HS3ST5: variants seen among roughly 807,000 people sequenced by gnomAD.
The protein encoded by HS3ST5 is heparan sulfate glucosamine 3-O-sulfotransferase 5.
HS3ST5 carries 10 observed loss-of-function variants against 25.4 expected under a neutral mutation model. The ratio of observed to expected loss-of-function variants is 0.39; its 90% CI spans 0.24 to 0.67. The LOEUF (loss-of-function observed/expected upper bound fraction) is 0.67, where lower values mean the gene tolerates loss of function less well. Among genes scored for constraint, HS3ST5 ranks in the 30% least tolerant of loss-of-function variants. HS3ST5 has a pLI of 0.44. For synonymous variants in HS3ST5, 170 were observed against 162.4 expected (o/e 1.05, Z -0.36); for missense variants, 324 against 420.7 (o/e 0.77, Z 2.01).
At chr6:114,284,431 A>G (rs1332476341) in intron 1 of HS3ST5, among the ~76,000 whole-genome samples, 1 of 151,920 alleles carries the variant, frequency 6.6e-6, no homozygotes, top group East Asian at 1.9e-4. Context: ...TTTATTCTCA[A>G]GTAATTGTGC....
intron 1 of HS3ST5, among the ~76,000 whole-genome samples, chr6:114,252,720 A>G (rs1274251012): frequency 1.3e-5 from 2 of 152,098 alleles, no homozygotes; most frequent in South Asian, 4.1e-4. Context: ...AAGCACCATC[A>G]TCTTTGGGTC....
intron 4 of HS3ST5, chr6:114,059,114 G>C (rs1304739194): frequency 6.6e-6 from 1 of 152,238 alleles, no homozygotes; most frequent in East Asian, 1.9e-4. Context: ...CAGGGAGAAA[G>C]ATGTGGTAAC....
chr6:114,311,825 G>A (rs550637363), intron 1 of HS3ST5, among the ~76,000 whole-genome samples: 68 of 152,076 alleles, frequency 4.5e-4, no homozygotes, highest in Non-Finnish European at 8.8e-4. Context: ...TTACAGGCGT[G>A]AGCCACCGTG....
chr6:114,250,663 C>T (rs1318976135), intron 1 of HS3ST5, among the ~76,000 whole-genome samples: 3 of 152,072 alleles, frequency 2.0e-5, no homozygotes, highest in Non-Finnish European at 2.9e-5. Context: ...AAACTTTGAC[C>T]TGAAGGAAGA....
chr6:114,156,095 C>T (rs762453741), intron 3 of HS3ST5, among the ~76,000 whole-genome samples: 5 of 152,270 alleles, frequency 3.3e-5, no homozygotes, highest in Non-Finnish European at 5.9e-5. Context: ...AATGAATCAC[C>T]GACTTTTCTT....
At chr6:114,255,898 C>T (rs1158540428) in intron 1 of HS3ST5, among the ~76,000 whole-genome samples, 2 of 152,232 alleles carry the variant, frequency 1.3e-5, no homozygotes, top group East Asian at 3.9e-4. Context: ...TCTGACATGC[C>T]AGGAGACATT....
chr6:114,244,184 G>A (rs1772275494), intron 1 of HS3ST5, among the ~76,000 whole-genome samples: 1 of 152,192 alleles, frequency 6.6e-6, no homozygotes, highest in Non-Finnish European at 1.5e-5. Context: ...ACTGGAAACT[G>A]TAGGTAGAAA....
At chr6:114,273,818 A>AG (rs975966881) in intron 1 of HS3ST5, among the ~76,000 whole-genome samples, 2 of 151,890 alleles carry the variant, frequency 1.3e-5, no homozygotes, top group African/African-American at 2.4e-5. Flanking sequence ...CTGACTGGGG[A>AG]GGGTGGTCCA....
At chr6:114,174,918 G>A (rs1582682041) in intron 2 of HS3ST5, among the ~76,000 whole-genome samples, 1 of 152,074 alleles carries the variant, frequency 6.6e-6, no homozygotes, top group Non-Finnish European at 1.5e-5. Flanking sequence ...GCTTGAACCC[G>A]GGAGGTGGAG....
chr6:114,302,795 T>A (rs544908580), intron 1 of HS3ST5, among the ~76,000 whole-genome samples: 262 of 152,310 alleles, frequency 1.7e-3, no homozygotes, highest in African/African-American at 6.2e-3. Flanking sequence ...TCATTATTCA[T>A]AGTTGAAATA....
intron 2 of HS3ST5, among the ~76,000 whole-genome samples, chr6:114,191,657 C>G (rs534202899): frequency 2.6e-5 from 4 of 152,224 alleles, no homozygotes; most frequent in African/African-American, 9.6e-5. Flanking sequence ...ATATCCATAT[C>G]ATCGGTGCCT....
chr6:114,336,421 A>C (rs1191530945), intron 1 of HS3ST5, among the ~76,000 whole-genome samples: 1 of 152,212 alleles, frequency 6.6e-6, no homozygotes, highest in Non-Finnish European at 1.5e-5. Context: ...CAGTCTGGCC[A>C]ACATGGCAAA....
At chr6:114,141,855 AGTTTGTGT>A (rs140506762) in intron 3 of HS3ST5, among the ~76,000 whole-genome samples, 2 of 106,516 alleles carry the variant, frequency 1.9e-5, no homozygotes, top group Non-Finnish European at 3.7e-5. Context: ...CTAAGATGAT[AGTTTGTGT>A]GTGTGTGTGT....
At chr6:114,154,301 C>T (rs1194681110) in intron 3 of HS3ST5, among the ~76,000 whole-genome samples, 1 of 152,074 alleles carries the variant, frequency 6.6e-6, no homozygotes, top group Non-Finnish European at 1.5e-5. Flanking sequence ...TGATCCTGCT[C>T]AATATTCCAG....
intron 2 of HS3ST5, among the ~76,000 whole-genome samples, chr6:114,208,059 C>G (rs1781353579): frequency 6.6e-6 from 1 of 152,028 alleles, no homozygotes; most frequent in Non-Finnish European, 1.5e-5. Context: ...CACGGTTAAC[C>G]AAATAATTCA....
At position 114,109,806 on chromosome 6, in the gene HS3ST5, A is replaced by ATATT. The variant is rs371844802; in HGVS notation, c.-32-46933_-32-46930dup. Among the ~76,000 whole-genome samples, 520 of 152,272 alleles carry ATATT rather than the reference A, an allele frequency of 3.4e-3. 3 individuals are homozygous for ATATT. Among genetic ancestry groups the ATATT allele is most frequent in the African/African-American group, 0.012 (491 of 41,540 alleles). The stretch of plus-strand genomic sequence containing the variant: ...CAAATAGCAATTCTGCCTTAATTTA[A>ATATT]TATTTATTTATTGCCTACTATATGC... On this transcript the variant is annotated intron_variant, in intron 3 of 4. Transcript: ENST00000312719.
intron 1 of HS3ST5, among the ~76,000 whole-genome samples, chr6:114,314,870 T>C (rs1775686579): frequency 1.3e-5 from 2 of 152,200 alleles, no homozygotes; most frequent in Admixed American, 6.5e-5. Flanking sequence ...ATAAATATTA[T>C]GTAGGTCACT....
At chr6:114,232,951 T>A (rs1436042727) in intron 1 of HS3ST5, among the ~76,000 whole-genome samples, 2 of 152,160 alleles carry the variant, frequency 1.3e-5, no homozygotes, top group Non-Finnish European at 2.9e-5. Flanking sequence ...AAACTTTTAA[T>A]ACCTTTCCAC....
chr6:114,254,476 A>G (rs535470943), intron 1 of HS3ST5, among the ~76,000 whole-genome samples: 1 of 152,260 alleles, frequency 6.6e-6, no homozygotes, highest in Non-Finnish European at 1.5e-5. Context: ...TCTCTTGAGT[A>G]GGGTAGCAGA....
Sources: gnomAD v4.1 joint callset for allele counts (sites outside exome capture counted in the v4.1 genomes callset) on GRCh38, gnomAD v4.1.1 for gene constraint, MANE v1.5 for transcripts, NCBI Gene and HGNC (gene_info 2026-07-23, HGNC 2026-07-21) for gene names.